Variants in PDE1A observed in about 807,000 individuals in gnomAD.
The protein encoded by PDE1A is dual specificity calcium/calmodulin-dependent 3',5'-cyclic nucleotide phosphodiesterase 1A.
A neutral mutation model predicts 61.7 loss-of-function variants in PDE1A; 35 were observed. That is an observed-to-expected ratio of 0.57 (90% CI 0.43 to 0.75). PDE1A has a LOEUF of 0.75. Among genes scored for constraint, PDE1A ranks in the 30% least tolerant of loss-of-function variants. PDE1A has a pLI of 0.00. For missense variants in PDE1A, 597 were observed against 630.6 expected (o/e 0.95, Z 0.57); for synonymous variants, 232 against 213.2 (o/e 1.09, Z -0.77).
the PDE1A span, among the ~76,000 whole-genome samples, chr2:182,686,795 A>G: frequency 0.091 from 13,870 of 152,290 alleles, 2,121 homozygotes; most frequent in African/African-American, 0.32. Flanking sequence ...CAAAGCTGTG[A>G]CAGATAGCAC....
At chr2:182,413,443 T>C (rs1702735988) in intron 1 of PDE1A, among the ~76,000 whole-genome samples, 1 of 152,108 alleles carries the variant, frequency 6.6e-6, no homozygotes, top group African/African-American at 2.4e-5. Flanking sequence ...TCTAAGGACA[T>C]AAATGAAAGG....
At chr2:182,486,004 G>C (rs1275928591) in intron 2 of PDE1A, among the ~76,000 whole-genome samples, 1 of 151,690 alleles carries the variant, frequency 6.6e-6, no homozygotes, top group Admixed American at 6.6e-5. Context: ...AATTAGAAAG[G>C]AAGAAGTAAA....
intron 2 of PDE1A, among the ~76,000 whole-genome samples, chr2:182,458,588 T>A (rs549861486): frequency 1.3e-5 from 2 of 152,078 alleles, no homozygotes; most frequent in Non-Finnish European, 2.9e-5. Context: ...TAAAGAGGGT[T>A]CATTTGAGTG....
rs189396257 is a variant in PDE1A, at chr2:182,336,060, A to C, written c.54-71646T>G. Among the ~76,000 whole-genome samples, 8 of 152,340 alleles carry C rather than the reference A, an allele frequency of 5.3e-5. No homozygotes were observed. The East Asian group carries it at 1.5e-3, about 29-fold the overall frequency. On this transcript the variant is annotated intron_variant, in intron 1 of 13. Coordinates refer to ENST00000351439, the Ensembl canonical transcript of PDE1A. ...CATTAGAGAAATGCAAATCAAAACC[A>C]CAATGAGATACTATCTCACGCCAGT... is the stretch of plus-strand genomic sequence containing the variant.
chr2:182,469,678 C>G (rs1443032242), intron 2 of PDE1A, among the ~76,000 whole-genome samples: 1 of 151,936 alleles, frequency 6.6e-6, no homozygotes, highest in East Asian at 1.9e-4. Flanking sequence ...AAGCTTTCAG[C>G]CTATCTCGGC....
the PDE1A span, among the ~76,000 whole-genome samples, chr2:182,663,212 A>T: frequency 3.4e-3 from 513 of 152,342 alleles, 4 homozygotes; most frequent in African/African-American, 0.011. Flanking sequence ...GAGAAAAAGG[A>T]ACACTTATAC....
chr2:182,525,719 T>C (rs1195005102), upstream of PDE1A, among the ~76,000 whole-genome samples: 1 of 152,176 alleles, frequency 6.6e-6, no homozygotes, highest in African/African-American at 2.4e-5. Flanking sequence ...CAGTCTCAGA[T>C]ATTTCTTTAT....
At chr2:182,492,204 C>T (rs1688437628) in intron 2 of PDE1A, among the ~76,000 whole-genome samples, 1 of 152,156 alleles carries the variant, frequency 6.6e-6, no homozygotes, top group African/African-American at 2.4e-5. Context: ...CTCTCCTCTA[C>T]CTATTTCATA....
chr2:182,578,594 C>G, the PDE1A span, among the ~76,000 whole-genome samples: 115 of 152,252 alleles, frequency 7.6e-4, no homozygotes, highest in Non-Finnish European at 1.2e-3. Context: ...TGGAAACAAA[C>G]CAAAGTTCAT....
At chr2:182,545,398 C>T in the PDE1A span, among the ~76,000 whole-genome samples, 10 of 152,332 alleles carry the variant, frequency 6.6e-5, no homozygotes, top group East Asian at 5.8e-4. Context: ...TGAGTTGTTG[C>T]CCTCTTCCCT....
chr2:182,153,167 G>T (rs1233850774), intron 13 of PDE1A, among the ~76,000 whole-genome samples: 1 of 152,120 alleles, frequency 6.6e-6, no homozygotes, highest in African/African-American at 2.4e-5. Context: ...TCAACTTGGG[G>T]AAGCTAATAC....
At chr2:182,435,125 T>A (rs1006359758) in intron 2 of PDE1A, among the ~76,000 whole-genome samples, 4 of 152,002 alleles carry the variant, frequency 2.6e-5, no homozygotes, top group African/African-American at 9.7e-5. Flanking sequence ...TTCCTATAAG[T>A]AGTGTAACAT....
intron 2 of PDE1A, among the ~76,000 whole-genome samples, chr2:182,253,760 AAG>A (rs905258361): frequency 2.0e-5 from 3 of 152,184 alleles, no homozygotes; most frequent in African/African-American, 7.2e-5. Flanking sequence ...GCTAGGAAAA[AAG>A]AGAAAAATAG....
rs565347386 is a variant in PDE1A at position 182,183,077 on chromosome 2, A to C, written c.1516+2815T>G. Among the ~76,000 whole-genome samples, 3 of 152,314 alleles carry C rather than the reference A, an allele frequency of 2.0e-5. No homozygotes were observed. The South Asian group carries it at 6.2e-4, about 32-fold the overall frequency. On this transcript the variant is annotated intron_variant, in intron 13 of 13. Coordinates refer to ENST00000351439, the Ensembl canonical transcript of PDE1A. ...TAGAACACATGGCAGAAACATAAAT[A>C]ATATAGTAATAACAGCTAACTCATA...
the PDE1A span, among the ~76,000 whole-genome samples, chr2:182,616,430 G>A: frequency 6.6e-6 from 1 of 152,218 alleles, no homozygotes; most frequent in Non-Finnish European, 1.5e-5. Context: ...ACTTCAGATG[G>A]AAGATACCCA....
intron 13 of PDE1A, among the ~76,000 whole-genome samples, chr2:182,149,981 G>A (rs575933721): frequency 7.0e-4 from 106 of 152,140 alleles, no homozygotes; most frequent in African/African-American, 2.5e-3. Flanking sequence ...CTAGTGATGT[G>A]CTATAGTGTT....
chr2:182,686,566 G>A, the PDE1A span, among the ~76,000 whole-genome samples: 19 of 152,174 alleles, frequency 1.2e-4, no homozygotes, highest in East Asian at 1.9e-4. Context: ...CAAGATGGCC[G>A]AATAGGAACA....
chr2:182,169,302 T>C (rs1691909041), intron 13 of PDE1A, among the ~76,000 whole-genome samples: 1 of 152,048 alleles, frequency 6.6e-6, no homozygotes, highest in African/African-American at 2.4e-5. Flanking sequence ...GAAAAAAACA[T>C]ACTGAAACAT....
At chr2:182,608,373 C>T in the PDE1A span, among the ~76,000 whole-genome samples, 2 of 152,226 alleles carry the variant, frequency 1.3e-5, no homozygotes, top group Non-Finnish European at 2.9e-5. Flanking sequence ...CCCACTCTGG[C>T]TTCAGCCCGC....
Sources: allele counts gnomAD v4.1 joint callset (sites outside exome capture counted in the v4.1 genomes callset), GRCh38; gene constraint gnomAD v4.1.1; transcripts MANE v1.5; gene names NCBI Gene and HGNC (gene_info 2026-07-23, HGNC 2026-07-21).